The following MYLK variants were observed in gnomAD, a reference collection of about 807,000 sequenced individuals.
The protein encoded by MYLK is myosin light chain kinase, also known as myosin light chain kinase, smooth muscle.
A neutral mutation model predicts 203.4 loss-of-function variants in MYLK; 106 were observed. That is an observed-to-expected ratio of 0.52 (90% CI 0.45 to 0.61). The LOEUF (loss-of-function observed/expected upper bound fraction) is 0.61, where lower values mean the gene tolerates loss of function less well. Among genes scored for constraint, MYLK ranks in the 20% least tolerant of loss-of-function variants. MYLK has a pLI of 0.00. For missense variants in MYLK, 2,072 were observed against 2,442.3 expected (o/e 0.85, Z 3.20); for synonymous variants, 867 against 959.5 (o/e 0.90, Z 1.78).
At chr3:123,802,239 T>G (rs533867955) in intron 3 of MYLK, among the ~76,000 whole-genome samples, 1 of 152,334 alleles carries the variant, frequency 6.6e-6, no homozygotes, top group East Asian at 1.9e-4. Flanking sequence ...CGGGGTACAA[T>G]CTCAGGGTTT....
At chr3:123,623,910 A>G (rs1386448838) in intron 31 of MYLK, 1 of 152,212 alleles carries the variant, frequency 6.6e-6, no homozygotes, top group Non-Finnish European at 1.5e-5. Flanking sequence ...TGGAAAAATC[A>G]TTTCCAAATG....
chr3:123,840,169 C>A (rs149616207), intron 2 of MYLK, among the ~76,000 whole-genome samples: 4,174 of 151,732 alleles, frequency 0.028, 75 homozygotes, highest in Non-Finnish European at 0.041. Context: ...AACCAAATTT[C>A]TCAGAAAGAA....
intron 19 of MYLK, among the ~76,000 whole-genome samples, chr3:123,686,394 A>C (rs2060458687): frequency 1.4e-5 from 2 of 145,796 alleles, no homozygotes; most frequent in Admixed American, 6.8e-5. Context: ...AATCTCCCCC[A>C]AGAGGCTGGT....
At chr3:123,850,324 C>T (rs2148665085) in intron 2 of MYLK, among the ~76,000 whole-genome samples, 1 of 152,302 alleles carries the variant, frequency 6.6e-6, no homozygotes, top group Non-Finnish European at 1.5e-5. Context: ...GCCACACTGT[C>T]TTCCACAATG....
At chr3:123,732,131 T>C (rs2062502472) in intron 11 of MYLK, among the ~76,000 whole-genome samples, 1 of 152,234 alleles carries the variant, frequency 6.6e-6, no homozygotes, top group Non-Finnish European at 1.5e-5. Flanking sequence ...GGGTATGGCA[T>C]GGGCCTGGGG....
rs557647933 is a variant in MYLK, at chr3:123,793,371, C to A, written c.165+306G>T. 2.0e-5 allele frequency among the ~76,000 whole-genome samples: 3 copies of A among 152,270 alleles called. No individual in the cohort carries two copies. In the East Asian group the frequency reaches 5.8e-4, roughly 29 times the overall value. ...TAAACCCAAGCTGTATTCTTCCTGC[C>A]ACCGGACCGCGTCTTCTTTTTCTGT... On this transcript the variant is annotated intron_variant, in intron 4 of 33. Coordinates refer to ENST00000360304, the MANE Select transcript of MYLK (RefSeq NM_053025.4).
intron 5 of MYLK, among the ~76,000 whole-genome samples, chr3:123,742,974 G>T (rs1273954708): frequency 1.3e-5 from 2 of 152,134 alleles, no homozygotes; most frequent in Non-Finnish European, 2.9e-5. Context: ...GGGAGGAGGG[G>T]ATGGGGAATT....
At chr3:123,775,683 T>C (rs2064046093) in intron 4 of MYLK, among the ~76,000 whole-genome samples, 3 of 152,084 alleles carry the variant, frequency 2.0e-5, no homozygotes, top group South Asian at 2.1e-4. Context: ...GCCAGGACCA[T>C]GATATGCAGA....
intron 13 of MYLK, among the ~76,000 whole-genome samples, chr3:123,721,628 G>A (rs2062089617): frequency 6.6e-6 from 1 of 151,796 alleles, no homozygotes; most frequent in African/African-American, 2.4e-5. Context: ...AAGCCTCAGT[G>A]TGCACGCTGT....
chr3:123,865,124 T>C (rs1437818869), intron 2 of MYLK, among the ~76,000 whole-genome samples: 2 of 152,204 alleles, frequency 1.3e-5, no homozygotes, highest in Non-Finnish European at 2.9e-5. Flanking sequence ...ATCTTCCTAG[T>C]TCACAGCTCC....
chr3:123,639,385 G>A (rs2058754028), intron 28 of MYLK, among the ~76,000 whole-genome samples: 1 of 152,208 alleles, frequency 6.6e-6, no homozygotes, highest in Non-Finnish European at 1.5e-5. Context: ...TGAACATCGT[G>A]GGAGACATTT....
intron 28 of MYLK, chr3:123,638,668 C>T (rs899878741): frequency 3.7e-5 from 28 of 764,224 alleles, no homozygotes; most frequent in South Asian, 6.0e-5. Flanking sequence ...TTTCCCCACC[C>T]GGTTAACAAG....
chr3:123,762,974 G>A (rs1339206928), intron 4 of MYLK, among the ~76,000 whole-genome samples: 1 of 152,162 alleles, frequency 6.6e-6, no homozygotes, highest in Non-Finnish European at 1.5e-5. Flanking sequence ...TAAGTTCTCT[G>A]TATGGAATGT....
rs2057268433 is a variant in MYLK at position 123,612,418 on chromosome 3, A to AAT, written c.*1686_*1687insAT. ...CCAAGAGAACATTAACACAATTCCA[A>AAT]GAAGGCATTAACCTGTAACACACAT... On this transcript the variant is annotated 3_prime_UTR_variant, in exon 34 of 34. Transcript: ENST00000360304. 6.6e-6 allele frequency: 1 copy of AAT among 152,654 alleles called. No homozygotes were observed. 9.5% of individuals were successfully genotyped at this position (152,654 alleles called of 1,614,324 possible).
chr3:123,762,194 T>C (rs1370338764), intron 4 of MYLK, among the ~76,000 whole-genome samples: 1 of 152,152 alleles, frequency 6.6e-6, no homozygotes, highest in Admixed American at 6.5e-5. Flanking sequence ...ATTTCTTCCA[T>C]TATTCCTAAA....
intron 4 of MYLK, among the ~76,000 whole-genome samples, chr3:123,785,330 T>A (rs2064471224): frequency 6.6e-6 from 1 of 152,248 alleles, no homozygotes; most frequent in Admixed American, 6.5e-5. Flanking sequence ...AGCTGTTGAC[T>A]ATGGTAAATT....
At chr3:123,638,899 T>C (rs1261657641) in intron 28 of MYLK, 2 of 985,344 alleles carry the variant, frequency 2.0e-6, no homozygotes, top group Non-Finnish European at 2.4e-6. Context: ...CTGTGGGCTA[T>C]GCCTGGTCTT....
intron 2 of MYLK, among the ~76,000 whole-genome samples, chr3:123,843,130 A>G (rs1435937906): frequency 3.9e-5 from 6 of 152,244 alleles, no homozygotes; most frequent in Non-Finnish European, 7.3e-5. Flanking sequence ...CGTATCAGTA[A>G]TTCAATAGCT....
intron 20 of MYLK, chr3:123,681,548 T>A: frequency 6.5e-6 from 1 of 153,602 alleles, no homozygotes; most frequent in Non-Finnish European, 1.5e-5. Flanking sequence ...GAGAGACTTT[T>A]CAGAGGAGTT....
Sources: gnomAD v4.1 joint callset for allele counts (sites outside exome capture counted in the v4.1 genomes callset) on GRCh38, gnomAD v4.1.1 for gene constraint, MANE v1.5 for transcripts, NCBI Gene and HGNC (gene_info 2026-07-23, HGNC 2026-07-21) for gene names.